Variants in JAKMIP2 observed in about 807,000 individuals in gnomAD.
JAKMIP2 encodes janus kinase and microtubule-interacting protein 2.
A neutral mutation model predicts 115.0 loss-of-function variants in JAKMIP2; 25 were observed. That is an observed-to-expected ratio of 0.22 (90% confidence interval 0.16 to 0.30). JAKMIP2 has a LOEUF of 0.30. JAKMIP2 is among the 10% of genes least tolerant of loss of function. The pLI, the probability that JAKMIP2 is intolerant of heterozygous loss-of-function variation, is 1.00. For missense variants in JAKMIP2, 642 were observed against 957.6 expected (o/e 0.67, Z 4.35); for synonymous variants, 334 against 343.6 (o/e 0.97, Z 0.31).
intron 2 of JAKMIP2, among the ~76,000 whole-genome samples, chr5:147,663,212 G>A (rs941017443): frequency 2.6e-5 from 4 of 152,124 alleles, no homozygotes; most frequent in African/African-American, 9.7e-5. Flanking sequence ...CAACTTGATT[G>A]GATTGAAAGA....
chr5:147,667,135 G>T (rs1295681734), intron 2 of JAKMIP2, among the ~76,000 whole-genome samples: 1 of 152,062 alleles, frequency 6.6e-6, no homozygotes, highest in Non-Finnish European at 1.5e-5. Context: ...TCTTGACGTG[G>T]AAGACACTTG....
rs539239747 is a variant in JAKMIP2 at position 147,721,093 on chromosome 5, T to C, written c.-148-49139A>G. 9.6e-3 allele frequency among the ~76,000 whole-genome samples: 1,465 copies of C among 152,058 alleles called. 23 individuals carry two copies. Among genetic ancestry groups the C allele is most frequent in the African/African-American group, 0.034 (1,415 of 41,394 alleles). ...GACAGGACCCTCAGCTGCAGGTCTG[T>C]TGGAGTACCCTGCCATGTGAGGTGT... On this transcript the variant is annotated intron_variant, in intron 1 of 21. Coordinates refer to ENST00000616793, the MANE Select transcript of JAKMIP2 (RefSeq NM_001270941.2).
chr5:147,645,105 C>T (rs1170386393), intron 5 of JAKMIP2, 109 bp from the exon 6 acceptor site: 1 of 955,490 alleles, frequency 1.0e-6, no homozygotes, highest in African/African-American at 1.7e-5. Context: ...GTCTCTGCTT[C>T]ACTATGTGGC....
intron 1 of JAKMIP2, among the ~76,000 whole-genome samples, chr5:147,719,394 G>T (rs1753164005): frequency 7.6e-6 from 1 of 132,032 alleles, no homozygotes; most frequent in South Asian, 2.8e-4. Context: ...TTCAATTCCT[G>T]GGTATCCTTG....
At position 147,590,385 on chromosome 5, in the gene JAKMIP2, A is replaced by G. The variant is rs1189224225; in HGVS notation, c.*1322T>C. 2.0e-5 allele frequency: 3 copies of G among 152,208 alleles called. No homozygotes were observed. The highest frequency in any genetic ancestry group is 4.4e-5 in the Non-Finnish European group (3 of 68,046). The allele number at this position is 152,208 out of a possible 1,614,324, so 9.4% of individuals were successfully genotyped here. On this transcript the variant is annotated 3_prime_UTR_variant, in exon 22 of 22. Coordinates refer to ENST00000616793, the MANE Select transcript of JAKMIP2 (RefSeq NM_001270941.2). ...AGAGATGACTCCAAGACTCAGTAAT[A>G]CACAACTTAGGAAAAGTACCAGTCC...
intron 9 of JAKMIP2, 89 bp from the exon 10 acceptor site, chr5:147,639,849 A>C: frequency 6.8e-7 from 1 of 1,480,584 alleles, no homozygotes; most frequent in Non-Finnish European, 9.1e-7. Flanking sequence ...CCCACTTTTT[A>C]CAAGAAGTAA....
Position 147,730,214 on chromosome 5 carries a change from A to C in JAKMIP2, c.-149+52242T>G, listed in dbSNP as rs530363944. Among the ~76,000 whole-genome samples the C allele has an allele frequency of 8.5e-5, 13 of 152,284 alleles. 1 individual carries two copies. Among genetic ancestry groups the C allele is most frequent in the African/African-American group, 3.1e-4 (13 of 41,552 alleles). On this transcript the variant is annotated intron_variant, in intron 1 of 21. Transcript: ENST00000616793. ...TTCAGGCCAGTTAGAAGGTTGATAAAGAATGTAAGCAGATTCAAGGTTTTA... is the reference window on the plus strand; with the variant it reads ...TTCAGGCCAGTTAGAAGGTTGATAACGAATGTAAGCAGATTCAAGGTTTTA...
At chr5:147,774,374 A>G (rs1329783032) in intron 1 of JAKMIP2, among the ~76,000 whole-genome samples, 1 of 152,152 alleles carries the variant, frequency 6.6e-6, no homozygotes, top group Non-Finnish European at 1.5e-5. Context: ...TCTGTTGCCA[A>G]TGTCAATTAG....
intron 1 of JAKMIP2, among the ~76,000 whole-genome samples, chr5:147,719,988 G>A (rs991207804): frequency 8.8e-4 from 134 of 152,070 alleles, no homozygotes; most frequent in Middle Eastern, 3.4e-3. Flanking sequence ...GGCTGGTACC[G>A]GTTGTTCCTT....
At chr5:147,755,836 A>G (rs1754724879) in intron 1 of JAKMIP2, among the ~76,000 whole-genome samples, 1 of 152,104 alleles carries the variant, frequency 6.6e-6, no homozygotes, top group African/African-American at 2.4e-5. Flanking sequence ...GAAAGTAACT[A>G]GTCCATACAC....
chr5:147,604,649 G>A (rs1755898764), intron 20 of JAKMIP2, among the ~76,000 whole-genome samples: 1 of 152,030 alleles, frequency 6.6e-6, no homozygotes, highest in African/African-American at 2.4e-5. Context: ...GTGTGCCTAT[G>A]GAAGCTATTA....
intron 3 of JAKMIP2, among the ~76,000 whole-genome samples, chr5:147,657,979 T>C (rs977238778): frequency 3.9e-5 from 6 of 152,108 alleles, no homozygotes; most frequent in Non-Finnish European, 7.4e-5. Flanking sequence ...TGTTTGTTAT[T>C]TACTGACCTT....
chr5:147,726,302 G>A (rs1012664835), intron 1 of JAKMIP2, among the ~76,000 whole-genome samples: 1 of 152,148 alleles, frequency 6.6e-6, no homozygotes, highest in African/African-American at 2.4e-5. Context: ...ATTTTGCTCT[G>A]CTCAGAATGG....
chr5:147,671,514 T>C (rs1759586188), intron 2 of JAKMIP2, among the ~76,000 whole-genome samples, 164 bp downstream of exon 2: 1 of 152,222 alleles, frequency 6.6e-6, no homozygotes, highest in South Asian at 2.1e-4. Flanking sequence ...CTCAGTTCCC[T>C]CCTGCCACAT....
chr5:147,729,773 CAAAAAAAAAA>C (rs368040956), intron 1 of JAKMIP2, among the ~76,000 whole-genome samples: 1 of 83,964 alleles, frequency 1.2e-5, no homozygotes. Flanking sequence ...GACTCTGTCT[CAAAAAAAAAA>C]AAAAAAAACT....
intron 1 of JAKMIP2, among the ~76,000 whole-genome samples, chr5:147,735,762 CTATT>C (rs1470998961): frequency 6.6e-6 from 1 of 152,194 alleles, no homozygotes; most frequent in African/African-American, 2.4e-5. Flanking sequence ...GCTCAAAGTT[CTATT>C]TATTAGGCAT....
chr5:147,669,370 G>A (rs534539908), intron 2 of JAKMIP2, among the ~76,000 whole-genome samples: 25 of 152,284 alleles, frequency 1.6e-4, no homozygotes, highest in African/African-American at 6.0e-4. Flanking sequence ...CATTTAAGAG[G>A]CTGGCTGCCA....
intron 1 of JAKMIP2, among the ~76,000 whole-genome samples, chr5:147,751,181 C>G (rs947145410): frequency 2.0e-5 from 3 of 151,930 alleles, no homozygotes; most frequent in African/African-American, 7.3e-5. Context: ...AAGTGATTCT[C>G]CTACCTCAGC....
chr5:147,629,778 A>G, intron 14 of JAKMIP2, 32 bp from the exon 15 acceptor site: 2 of 1,584,230 alleles, frequency 1.3e-6, no homozygotes, highest in Non-Finnish European at 1.7e-6. Context: ...CATGTCAAAG[A>G]CAAATGTGGC....
Sources: allele counts gnomAD v4.1 joint callset (sites outside exome capture counted in the v4.1 genomes callset), GRCh38; gene constraint gnomAD v4.1.1; transcripts MANE v1.5; gene names NCBI Gene and HGNC (gene_info 2026-07-23, HGNC 2026-07-21).